The following NWD2 variants were observed in gnomAD, a reference collection of about 807,000 sequenced individuals.
NWD2 encodes NACHT and WD repeat domain containing 2, also known as NACHT and WD repeat domain-containing protein 2.
Under a neutral mutation model 132.7 loss-of-function variants are expected in NWD2, and 37 were observed. That is an observed-to-expected ratio of 0.28 (90% confidence interval 0.21 to 0.37). NWD2 has a LOEUF of 0.37. Ranked by LOEUF, NWD2 falls within the 10% of genes least tolerant of loss-of-function variation. NWD2 has a pLI of 1.00. For synonymous variants in NWD2, 705 were observed against 803.0 expected, an observed-to-expected ratio of 0.88 and a Z score of 2.06; for missense variants, 1,592 against 2,122.4, an observed-to-expected ratio of 0.75 and a Z score of 4.91.
chr4:37,389,036 T>C (rs6837863), intron 3 of NWD2, among the ~76,000 whole-genome samples: 83,933 of 151,744 alleles, frequency 0.55, 23,798 homozygotes, highest in African/African-American at 0.66. Flanking sequence ...AATAAAACCA[T>C]GAGAAGGGAT....
intron 3 of NWD2, among the ~76,000 whole-genome samples, chr4:37,371,078 C>T (rs57659250): frequency 0.46 from 55,873 of 121,104 alleles, 14,901 homozygotes; most frequent in Non-Finnish European, 0.55. Context: ...TTTTCTTTTT[C>T]TTTTTTTTTT....
intron 1 of NWD2, among the ~76,000 whole-genome samples, chr4:37,273,952 G>C (rs1015927215): frequency 3.7e-4 from 57 of 152,134 alleles, no homozygotes; most frequent in African/African-American, 1.3e-3. Flanking sequence ...GAAATTTATA[G>C]CACTAAATGC....
intron 3 of NWD2, among the ~76,000 whole-genome samples, chr4:37,404,532 C>A (rs1012480123): frequency 7.9e-5 from 12 of 152,210 alleles, no homozygotes; most frequent in Non-Finnish European, 1.5e-4. Flanking sequence ...CCCTTACAGA[C>A]AATACCATGC....
At chr4:37,334,525 C>G (rs1719359714) in intron 2 of NWD2, among the ~76,000 whole-genome samples, 1 of 152,218 alleles carries the variant, frequency 6.6e-6, no homozygotes, top group South Asian at 2.1e-4. Context: ...CCTTCACAAT[C>G]TAGCTGAAGG....
chr4:37,444,157 T>G lies in NWD2; in HGVS notation c.2169T>G (p.His723Gln), dbSNP rs1319720066. 1 of 1,551,526 alleles carries G rather than the reference T, an allele frequency of 6.4e-7. No individual in the cohort carries two copies. Among genetic ancestry groups the G allele is most frequent in the Non-Finnish European group, 8.7e-7 (1 of 1,146,984 alleles). ...TCAGTGGATACCTAATAGAAAGACA[T>G]GTGAAAAATGTCACACTCCTAGTCT... ...EGLSGYLIER[H>Q]VKNVTLLVWA... Residue 723 changes from histidine to glutamine, a missense_variant, in exon 7 of 7, where the codon CAT (histidine) becomes CAG (glutamine). Around this residue, in one of 7 missense-constraint regions of NWD2, gnomAD observed 1,071 missense variants for 1,398.0 expected, o/e 0.77. Coordinates refer to ENST00000309447, the MANE Select transcript of NWD2 (RefSeq NM_001144990.2). This position sits in a 1 kb window ranked among gnomAD's most constrained non-coding sequence, Gnocchi z 4.8.
intron 1 of NWD2, among the ~76,000 whole-genome samples, chr4:37,277,601 C>T (rs1289502126): frequency 6.6e-6 from 1 of 151,920 alleles, no homozygotes; most frequent in Non-Finnish European, 1.5e-5. Flanking sequence ...AATTCAGCTG[C>T]CTCTTGATTA....
At chr4:37,353,226 T>C (rs1719805065) in intron 2 of NWD2, among the ~76,000 whole-genome samples, 1 of 152,220 alleles carries the variant, frequency 6.6e-6, no homozygotes. Flanking sequence ...GATTTACTGT[T>C]TGTCTAATGG....
chr4:37,262,576 C>T (rs1390491238), intron 1 of NWD2, among the ~76,000 whole-genome samples: 1 of 152,142 alleles, frequency 6.6e-6, no homozygotes, highest in East Asian at 1.9e-4. Context: ...TCCCTACCCA[C>T]TCCAGAAATT....
chr4:37,288,707 C>T (rs964187960), intron 1 of NWD2, among the ~76,000 whole-genome samples: 1 of 152,170 alleles, frequency 6.6e-6, no homozygotes, highest in African/African-American at 2.4e-5. Context: ...TGCACAGTGG[C>T]AGAGTTTGTA....
chr4:37,293,608 A>C (rs1194188636), intron 1 of NWD2, among the ~76,000 whole-genome samples: 1 of 152,224 alleles, frequency 6.6e-6, no homozygotes, highest in African/African-American at 2.4e-5. Flanking sequence ...AGCCACATAC[A>C]GTATATTAAT....
At chr4:37,298,206 G>A (rs916899426) in intron 1 of NWD2, among the ~76,000 whole-genome samples, 6 of 152,096 alleles carry the variant, frequency 3.9e-5, no homozygotes, top group Non-Finnish European at 8.8e-5. Context: ...CAGAGGAATG[G>A]AGCAAAGCTG....
At chr4:37,299,353 C>G (rs1277743041) in intron 1 of NWD2, among the ~76,000 whole-genome samples, 1 of 152,084 alleles carries the variant, frequency 6.6e-6, no homozygotes, top group East Asian at 1.9e-4. Flanking sequence ...CTCACTGTCC[C>G]CAACCCCCTT....
At chr4:37,264,739 T>C (rs1450659045) in intron 1 of NWD2, among the ~76,000 whole-genome samples, 3 of 152,154 alleles carry the variant, frequency 2.0e-5, no homozygotes, top group Admixed American at 2.0e-4. Flanking sequence ...ATTAATGCAG[T>C]TATAGTTTAT....
intron 3 of NWD2, among the ~76,000 whole-genome samples, chr4:37,390,249 A>G (rs1720653790): frequency 1.3e-5 from 2 of 152,150 alleles, no homozygotes; most frequent in African/African-American, 2.4e-5. Context: ...AAGTATATGT[A>G]CATACTTTAA....
In NWD2 at chr4:37,251,665, A is replaced by C. The variant is rs529022526; in HGVS notation, c.151+6447A>C. The stretch of plus-strand genomic sequence containing the variant: ...GAAGGAACTTTGTTCTCCAGATCTT[A>C]TGCAGGTGCATCCCTTTGGTAGAAC... On this transcript the variant is annotated intron_variant, in intron 1 of 6. Coordinates refer to ENST00000309447, the MANE Select transcript of NWD2 (RefSeq NM_001144990.2). Among the ~76,000 whole-genome samples, 6 of 152,342 alleles carry C rather than the reference A, an allele frequency of 3.9e-5. No individual in the cohort carries two copies. In the East Asian group the frequency reaches 1.2e-3, roughly 29 times the overall value.
At position 37,446,019 on chromosome 4, in the gene NWD2, A is replaced by C; in HGVS notation, c.4031A>C (p.Asn1344Thr). ...LDGSDCVHKWNFSSGFIEAVF... is the reference protein window; with the variant it reads ...LDGSDCVHKWTFSSGFIEAVF... The stretch of plus-strand genomic sequence containing the variant: ...GGATCCGATTGTGTTCATAAGTGGA[A>C]CTTCAGCAGTGGCTTCATCGAAGCA... Residue 1344 changes from asparagine (N) to threonine (T), a missense_variant, in exon 7 of 7, where the codon AAC becomes ACC. Transcript: ENST00000309447. The surrounding 1 kb of genome is among the most constrained non-coding windows in gnomAD (Gnocchi z 6.7). 6.4e-7 allele frequency: 1 copy of C among 1,551,752 alleles called. No homozygotes were observed. Among genetic ancestry groups the C allele is most frequent in the Middle Eastern group, 1.7e-4 (1 of 5,992 alleles).
chr4:37,253,524 A>T (rs1433227455), intron 1 of NWD2, among the ~76,000 whole-genome samples: 1 of 152,138 alleles, frequency 6.6e-6, no homozygotes, highest in African/African-American at 2.4e-5. Context: ...TTTGCTTTCC[A>T]GTTCTGGGAA....
At chr4:37,283,392 G>C (rs1718167160) in intron 1 of NWD2, among the ~76,000 whole-genome samples, 1 of 152,142 alleles carries the variant, frequency 6.6e-6, no homozygotes. Flanking sequence ...TTTAAATTCA[G>C]TATGTCTGTA....
At chr4:37,274,169 T>C (rs1284018212) in intron 1 of NWD2, among the ~76,000 whole-genome samples, 1 of 151,606 alleles carries the variant, frequency 6.6e-6, no homozygotes, top group Non-Finnish European at 1.5e-5. Flanking sequence ...ATCAACAAAA[T>C]TGATAGACCG....
Sources: gnomAD v4.1 joint callset for allele counts (sites outside exome capture counted in the v4.1 genomes callset) on GRCh38, gnomAD v4.1.1 for gene constraint, gnomAD v4.1.1 regional missense constraint, Gnocchi (gnomAD v3.1) non-coding constraint, MANE v1.5 for transcripts, NCBI Gene and HGNC (gene_info 2026-07-23, HGNC 2026-07-21) for gene names.